Variants in L3MBTL3 observed in about 807,000 individuals in gnomAD.
The protein encoded by L3MBTL3 is L3MBTL histone methyl-lysine binding protein 3.
Under a neutral mutation model 102.3 loss-of-function variants are expected in L3MBTL3, and 27 were observed. The ratio of observed to expected loss-of-function variants is 0.26; its 90% confidence interval spans 0.19 to 0.36. The LOEUF (loss-of-function observed/expected upper bound fraction) is 0.36. L3MBTL3 is among the 10% of genes least tolerant of loss of function. The probability of loss-of-function intolerance (pLI) is 1.00; values close to 1 mark genes in which losing one functional copy is unlikely to be tolerated. For missense variants in L3MBTL3, 798 were observed against 955.3 expected, an observed-to-expected ratio of 0.84 and a Z score of 2.17; for synonymous variants, 340 against 320.9, an observed-to-expected ratio of 1.06 and a Z score of -0.64.
In L3MBTL3 at chr6:130,066,482, C is replaced by G; in HGVS notation, c.994C>G (p.Pro332Ala). 1 of 1,608,826 alleles carries G rather than the reference C, an allele frequency of 6.2e-7. No individual in the cohort carries two copies. Among genetic ancestry groups the G allele is most frequent in the Non-Finnish European group, 8.5e-7 (1 of 1,178,004 alleles). The change falls in exon 11 of 23, where the codon CCA (proline) becomes GCA (alanine). Residue 332 changes from proline to alanine, a missense_variant. By Grantham distance (27) the Pro-to-Ala change is conservative. This residue lies in a region of L3MBTL3 where 434 missense variants were observed against 506.6 expected (regional missense o/e 0.86). Coordinates refer to ENST00000361794, the MANE Select transcript of L3MBTL3 (RefSeq NM_032438.4). ...CEKTGHKLHP[P>A]KGYKEEEFNW... is the part of the protein sequence containing the mutation. Reference sequence around the variant, plus strand: ...GAAAACCGGCCACAAACTCCATCCTCCAAAAGGTTTTGTCACTTTTTGTTT... The same window carrying G: ...GAAAACCGGCCACAAACTCCATCCTGCAAAAGGTTTTGTCACTTTTTGTTT...
At chr6:130,021,679 C>T (rs1354974133) in intron 1 of L3MBTL3, among the ~76,000 whole-genome samples, 1 of 152,158 alleles carries the variant, frequency 6.6e-6, no homozygotes, top group Non-Finnish European at 1.5e-5. Context: ...ATGAGCTGTT[C>T]ATTTTACTGT....
chr6:130,073,027 A>G (rs1455882700), intron 13 of L3MBTL3, among the ~76,000 whole-genome samples: 3 of 152,078 alleles, frequency 2.0e-5, no homozygotes, highest in Non-Finnish European at 2.9e-5. Flanking sequence ...TTGAAACCTC[A>G]TCTTATTTAC....
chr6:130,091,697 C>A (rs1784060935), intron 16 of L3MBTL3, among the ~76,000 whole-genome samples: 1 of 152,002 alleles, frequency 6.6e-6, no homozygotes, highest in African/African-American at 2.4e-5. Context: ...TAAATACTGT[C>A]ATTTGCAACA....
At chr6:130,107,674 A>G (rs1785072793) in intron 19 of L3MBTL3, among the ~76,000 whole-genome samples, 1 of 152,224 alleles carries the variant, frequency 6.6e-6, no homozygotes. Flanking sequence ...CTCAAATGTT[A>G]TCTTCCTGAG....
Position 130,140,721 on chromosome 6 carries a change from T to C in L3MBTL3, c.*968T>C, listed in dbSNP as rs1048750034. The C allele has an allele frequency of 1.3e-5, 2 of 152,240 alleles. No homozygotes were observed. Among genetic ancestry groups the C allele is most frequent in the African/African-American group, 4.8e-5 (2 of 41,482 alleles). 9.4% of individuals were successfully genotyped at this position (152,240 alleles called of 1,614,324 possible). A position where few individuals can be genotyped will look rare whatever the true frequency, so the allele number is the denominator to read the frequency against. The stretch of plus-strand genomic sequence containing the variant: ...CATTCTGTCAACAGAAACACTAATC[T>C]GTACAGAGCGCTGTCTCAGGTCATG... On this transcript the variant is annotated 3_prime_UTR_variant, in exon 23 of 23. Coordinates refer to ENST00000361794, the MANE Select transcript of L3MBTL3 (RefSeq NM_032438.4).
chr6:130,102,854 A>T (rs752731723), intron 18 of L3MBTL3, among the ~76,000 whole-genome samples: 13 of 152,142 alleles, frequency 8.5e-5, no homozygotes, highest in Non-Finnish European at 1.5e-4. Context: ...TTTCTTTTTC[A>T]TGGTGTTTAT....
At chr6:130,129,619 T>C (rs112758209) in intron 20 of L3MBTL3, among the ~76,000 whole-genome samples, 1 of 152,178 alleles carries the variant, frequency 6.6e-6, no homozygotes, top group African/African-American at 2.4e-5. Flanking sequence ...ATCACATACC[T>C]TTGGTCAATT....
intron 10 of L3MBTL3, among the ~76,000 whole-genome samples, chr6:130,065,690 C>T (rs1043362202): frequency 6.6e-6 from 1 of 152,152 alleles, no homozygotes; most frequent in African/African-American, 2.4e-5. Context: ...AACCCTCTCT[C>T]TAAGAATCCA....
At position 130,057,628 on chromosome 6, in the gene L3MBTL3, T is replaced by TTA. The variant is rs1366878578; in HGVS notation, c.759+135_759+136dup. ...CAGCATACAGTTTTCATGCGTGTGT[T>TTA]TATATGGAGGGCAGTGAACACTGAC... On this transcript the variant is annotated intron_variant, in intron 9 of 22. Transcript: ENST00000361794. 3 of 743,420 alleles carry TTA rather than the reference T, an allele frequency of 4.0e-6. No homozygotes were observed. The East Asian group carries it at 8.1e-5, about 20-fold the overall frequency. The allele number at this position is 743,420 out of a possible 1,614,324, so 46.1% of individuals were successfully genotyped here. A position where few individuals can be genotyped will look rare whatever the true frequency, so the allele number is the denominator to read the frequency against.
intron 15 of L3MBTL3, among the ~76,000 whole-genome samples, chr6:130,085,429 C>T (rs1049632884): frequency 1.3e-5 from 2 of 152,044 alleles, no homozygotes; most frequent in Non-Finnish European, 2.9e-5. Context: ...AATATTGTTC[C>T]TCTCTCTATT....
In L3MBTL3 at chr6:130,086,239, C is replaced by A; in HGVS notation, c.1507C>A (p.His503Asn). The A allele has an allele frequency of 6.2e-7, 1 of 1,604,754 alleles. No individual in the cohort carries two copies. Among genetic ancestry groups the A allele is most frequent in the Non-Finnish European group, 8.5e-7 (1 of 1,173,062 alleles). Residue 503 changes from histidine to asparagine, a missense_variant, in exon 16 of 23, where the codon CAC becomes AAC. Physicochemically the swap from His to Asn is moderately conservative, Grantham distance 68 (BLOSUM62 1). Coordinates refer to ENST00000361794, the MANE Select transcript of L3MBTL3 (RefSeq NM_032438.4). ...RVATVADTDD[H>N]RVKVHFDGWN... ...AGCAACTGTGGCAGACACAGATGAT[C>A]ACCGGGTAAAAGTAAGTGTTCTGTG...
At chr6:130,057,090 G>C (rs994962208) in intron 8 of L3MBTL3, among the ~76,000 whole-genome samples, 1 of 152,046 alleles carries the variant, frequency 6.6e-6, no homozygotes, top group African/African-American at 2.4e-5. Context: ...AAAATTTTTT[G>C]AGCATCCTGC....
rs866666041 is a variant in L3MBTL3 at position 130,063,015 on chromosome 6, T to C, written c.864+2875T>C. 1.7e-3 allele frequency among the ~76,000 whole-genome samples: 236 copies of C among 136,212 alleles called. 1 individual carries two copies. The highest frequency in any genetic ancestry group is 6.4e-3 in the African/African-American group (231 of 35,898). 89.4% of individuals were successfully genotyped at this position (136,212 alleles called of 152,430 possible). A position where few individuals can be genotyped will look rare whatever the true frequency, so the allele number is the denominator to read the frequency against. The stretch of plus-strand genomic sequence containing the variant: ...CTTTTTTTTTTTTTCTGTTTTTTTT[T>C]CGCCCCTTTGCAATGCAATGGTAAG... On this transcript the variant is annotated intron_variant, in intron 10 of 22. Coordinates refer to ENST00000361794, the MANE Select transcript of L3MBTL3 (RefSeq NM_032438.4).
At chr6:130,129,296 A>G (rs886716028) in intron 20 of L3MBTL3, among the ~76,000 whole-genome samples, 2 of 152,172 alleles carry the variant, frequency 1.3e-5, no homozygotes, top group Non-Finnish European at 2.9e-5. Flanking sequence ...AGTAGTGATT[A>G]TTTGATTAAA....
At chr6:130,097,910 A>G (rs1465074310) in intron 18 of L3MBTL3, among the ~76,000 whole-genome samples, 1 of 152,124 alleles carries the variant, frequency 6.6e-6, no homozygotes, top group African/African-American at 2.4e-5. Flanking sequence ...TCTACCAAAA[A>G]TACAAAATTA....
chr6:130,069,024 C>G (rs1003932658), intron 12 of L3MBTL3, among the ~76,000 whole-genome samples: 1 of 152,214 alleles, frequency 6.6e-6, no homozygotes, highest in African/African-American at 2.4e-5. Context: ...AAAATGCCAT[C>G]TTTACAGATG....
intron 20 of L3MBTL3, among the ~76,000 whole-genome samples, chr6:130,132,484 T>TA (rs1787163652): frequency 6.6e-6 from 1 of 152,172 alleles, no homozygotes; most frequent in Non-Finnish European, 1.5e-5. Flanking sequence ...CTTAGAGATA[T>TA]AAAAGCAAGG....
chr6:130,115,164 C>A (rs1785583496), intron 19 of L3MBTL3, among the ~76,000 whole-genome samples: 1 of 152,152 alleles, frequency 6.6e-6, no homozygotes, highest in Admixed American at 6.6e-5. Flanking sequence ...AAGTACAAGT[C>A]TCTTTCAGTT....
rs1468653283 is a variant in L3MBTL3, at chr6:130,104,512, G to C, written c.1823G>C (p.Ser608Thr). ...DRLSGEMPPASPSFPRNKRTD... is the reference protein window; with the variant it reads ...DRLSGEMPPATPSFPRNKRTD... ...TTAAGTGGTGAGATGCCTCCGGCTA[G>C]TCCGTCATTTCCAAGAAATAAAAGG... Residue 608 changes from serine (S) to threonine (T), a missense_variant, in exon 19 of 23, where the codon AGT becomes ACT. By Grantham distance (58) the Ser-to-Thr change is moderately conservative. Transcript: ENST00000361794. The C allele has an allele frequency of 3.1e-6, 5 of 1,595,178 alleles. No homozygotes were observed. The highest frequency in any genetic ancestry group is 4.3e-6 in the Non-Finnish European group (5 of 1,172,070).
Sources: gnomAD v4.1 joint callset for allele counts (sites outside exome capture counted in the v4.1 genomes callset) on GRCh38, gnomAD v4.1.1 for gene constraint, gnomAD v4.1.1 regional missense constraint, MANE v1.5 for transcripts, NCBI Gene and HGNC (gene_info 2026-07-23, HGNC 2026-07-21) for gene names.